ALDH8A1: variants seen among roughly 807,000 people sequenced by gnomAD.
ALDH8A1 encodes the protein aldehyde dehydrogenase 8 family member A1, also known as 2-aminomuconic semialdehyde dehydrogenase.
Under a neutral mutation model 43.3 loss-of-function variants are expected in ALDH8A1, and 39 were observed. That is an observed-to-expected ratio of 0.90 (90% confidence interval 0.70 to 1.18). ALDH8A1 has a LOEUF of 1.18. Ranked by LOEUF, ALDH8A1 falls within the 50% of genes most tolerant of loss-of-function variation. The pLI, the probability that ALDH8A1 is intolerant of heterozygous loss-of-function variation, is 0.00. For synonymous variants in ALDH8A1, 233 were observed against 243.5 expected, an observed-to-expected ratio of 0.96 and a Z score of 0.40; for missense variants, 605 against 622.6, an observed-to-expected ratio of 0.97 and a Z score of 0.30.
chr6:134,920,883 C>T (rs1725772951), intron 6 of ALDH8A1, among the ~76,000 whole-genome samples: 1 of 152,066 alleles, frequency 6.6e-6, no homozygotes, highest in South Asian at 2.1e-4. Flanking sequence ...GAAGAGTAAC[C>T]CGAGAGCCAA....
At chr6:134,942,664 G>T in intron 2 of ALDH8A1, 100 bp from the exon 3 acceptor site, 1 of 1,260,716 alleles carries the variant, frequency 7.9e-7, no homozygotes, top group Non-Finnish European at 1.1e-6. Flanking sequence ...GAAACAGCCT[G>T]GATTCCTTCT....
chr6:134,930,615 C>T (rs1008449551), intron 5 of ALDH8A1, among the ~76,000 whole-genome samples: 14 of 152,166 alleles, frequency 9.2e-5, no homozygotes, highest in Admixed American at 8.5e-4. Context: ...ATAACACATT[C>T]TTTTTGCAAC....
intron 6 of ALDH8A1, among the ~76,000 whole-genome samples, chr6:134,926,161 T>G (rs956602566): frequency 6.6e-6 from 1 of 151,842 alleles, no homozygotes; most frequent in Non-Finnish European, 1.5e-5. Context: ...TAAAAGGTAA[T>G]TTAGCTACAT....
Position 134,918,480 on chromosome 6 carries a change from T to C in ALDH8A1, c.1399A>G (p.Arg467Gly). ...FGGMKSSGIG[R>G]EGAKDSYDFF... is the part of the protein sequence containing the mutation. Reference sequence around the variant, plus strand: ...TCGTAAGAGTCCTTGGCTCCCTCTCTACCTATTCCAGAACTCTTCATCCCC... The same window carrying C: ...TCGTAAGAGTCCTTGGCTCCCTCTCCACCTATTCCAGAACTCTTCATCCCC... The change falls in exon 7 of 7, where the codon AGA becomes GGA. Residue 467 changes from arginine to glycine, a missense_variant. Transcript: ENST00000265605. 1 of 1,614,210 alleles carries C rather than the reference T, an allele frequency of 6.2e-7. No individual in the cohort carries two copies. The highest frequency in any genetic ancestry group is 1.1e-5 in the South Asian group (1 of 91,080).
intron 6 of ALDH8A1, among the ~76,000 whole-genome samples, chr6:134,926,069 T>C (rs1776877547): frequency 6.6e-6 from 1 of 152,116 alleles, no homozygotes; most frequent in Admixed American, 6.5e-5. Flanking sequence ...AGGCATGGAC[T>C]GTGAGTAACA....
intron 6 of ALDH8A1, among the ~76,000 whole-genome samples, chr6:134,926,585 G>A (rs1260213826): frequency 6.7e-6 from 1 of 149,694 alleles, no homozygotes; most frequent in Non-Finnish European, 1.5e-5. Flanking sequence ...AAGGTGGGTG[G>A]ATCACCTGAG....
chr6:134,928,703 C>A (rs1054222353), intron 6 of ALDH8A1, among the ~76,000 whole-genome samples: 2 of 152,218 alleles, frequency 1.3e-5, no homozygotes, highest in Non-Finnish European at 2.9e-5. Context: ...CAGAGGCAGG[C>A]CTTTTCCAAA....
rs114160975 is a variant in ALDH8A1, at chr6:134,940,288, G to A, written c.443-873C>T. On this transcript the variant is annotated intron_variant, in intron 3 of 6. Coordinates refer to ENST00000265605, the MANE Select transcript of ALDH8A1 (RefSeq NM_022568.4). ...TCACTAAACAGTTCCAGAATGTGAC[G>A]CATTTTGAGATTTATAGACTGAGCT... 1,890 of 252,488 alleles carry A rather than the reference G, an allele frequency of 7.5e-3. 38 individuals carry two copies. The highest frequency in any genetic ancestry group is 0.039 in the African/African-American group (1,714 of 44,080). The allele number at this position is 252,488 out of a possible 1,614,324, so 15.6% of individuals were successfully genotyped here. A position where few individuals can be genotyped will look rare whatever the true frequency, so the allele number is the denominator to read the frequency against.
rs1347891433 is a variant in ALDH8A1, at chr6:134,918,547, C to T, written c.1332G>A (p.Trp444Ter). 3 of 1,614,200 alleles carry T rather than the reference C, an allele frequency of 1.9e-6. No homozygotes were observed. The highest frequency in any genetic ancestry group is 3.3e-5 in the Admixed American group (2 of 60,026). The change falls in exon 7 of 7, where the codon TGG becomes TGA. Residue 444 changes from tryptophan (W) to a stop codon, truncating the protein, a stop_gained. Transcript: ENST00000265605. LOFTEE classifies it high-confidence loss of function. The part of the protein sequence containing the change: ...VAKKLQSGLV[W>*]TNCWLIRELN... ...GCTCCCTGATGAGCCAGCAGTTGGT[C>T]CAGACCAAGCCAGACTGCAGCTTCT...
intron 4 of ALDH8A1, among the ~76,000 whole-genome samples, chr6:134,934,185 C>T (rs533972249): frequency 1.3e-5 from 2 of 152,312 alleles, no homozygotes; most frequent in East Asian, 1.9e-4. Context: ...TGACTGAATG[C>T]AGCCTCTCTT....
intron 3 of ALDH8A1, among the ~76,000 whole-genome samples, chr6:134,940,001 C>T (rs914850575): frequency 6.6e-6 from 1 of 152,192 alleles, no homozygotes; most frequent in Non-Finnish European, 1.5e-5. Context: ...CATGTTCTCA[C>T]TTATAAGTGG....
intron 6 of ALDH8A1, among the ~76,000 whole-genome samples, chr6:134,921,781 ACT>A (rs1248281771): frequency 6.6e-6 from 1 of 152,216 alleles, no homozygotes; most frequent in African/African-American, 2.4e-5. Context: ...CTTCCTGGGC[ACT>A]CAGCCCCAAA....
intron 2 of ALDH8A1, among the ~76,000 whole-genome samples, chr6:134,943,043 C>T (rs896277976): frequency 3.3e-5 from 5 of 152,210 alleles, no homozygotes; most frequent in Non-Finnish European, 7.3e-5. Context: ...TGCCCTGGCA[C>T]GGGATGCTGT....
At chr6:134,924,747 G>A (rs1776857788) in intron 6 of ALDH8A1, among the ~76,000 whole-genome samples, 1 of 151,994 alleles carries the variant, frequency 6.6e-6, no homozygotes, top group Non-Finnish European at 1.5e-5. Context: ...AGACAACAAT[G>A]TTCAGGGTAA....
intron 1 of ALDH8A1, among the ~76,000 whole-genome samples, chr6:134,947,615 T>C (rs1286925894): frequency 2.6e-5 from 4 of 151,850 alleles, no homozygotes; most frequent in Non-Finnish European, 5.9e-5. Context: ...AAAAAGAAGA[T>C]GTACAAATGG....
chr6:134,919,546 G>A (rs1451571968), intron 6 of ALDH8A1, among the ~76,000 whole-genome samples: 1 of 152,076 alleles, frequency 6.6e-6, no homozygotes, highest in Admixed American at 6.5e-5. Context: ...AATGACAGAT[G>A]TATATTAACA....
At chr6:134,927,137 T>A (rs1053109581) in intron 6 of ALDH8A1, among the ~76,000 whole-genome samples, 7 of 152,094 alleles carry the variant, frequency 4.6e-5, no homozygotes, top group African/African-American at 1.7e-4. Flanking sequence ...CCTGGAGTAG[T>A]TTTAAAGGTG....
rs1776745153 is a variant in ALDH8A1, at chr6:134,918,541, G to A, written c.1338C>T (p.Asn446=). 3 of 1,614,114 alleles carry A rather than the reference G, an allele frequency of 1.9e-6. No individual in the cohort carries two copies. The highest frequency in any genetic ancestry group is 1.1e-5 in the South Asian group (1 of 91,088). ...KKLQSGLVWT[N]CWLIRELNLP... ...GGTTCAGCTCCCTGATGAGCCAGCA[G>A]TTGGTCCAGACCAAGCCAGACTGCA... Residue 446 remains asparagine (N), a synonymous_variant, in exon 7 of 7, where the codon AAC becomes AAT. Coordinates refer to ENST00000265605, the MANE Select transcript of ALDH8A1 (RefSeq NM_022568.4).
chr6:134,918,614 G>A lies in ALDH8A1; in HGVS notation c.1265C>T (p.Thr422Ile), dbSNP rs752216614. 37 of 1,614,182 alleles carry A rather than the reference G, an allele frequency of 2.3e-5. No individual in the cohort carries two copies. The South Asian group carries it at 4.0e-4, about 17-fold the overall frequency. ...GCGCCCCACATTGCTGGACCACACG[G>A]TAGCCGCCAGCCCATACTTAACGTT... ...ANNVKYGLAA[T>I]VWSSNVGRVH... The change falls in exon 7 of 7, where the codon ACC becomes ATC. Residue 422 changes from threonine to isoleucine, a missense_variant. By Grantham distance (89) the Thr-to-Ile change is moderately conservative. Transcript: ENST00000265605.
Sources: allele counts gnomAD v4.1 joint callset (sites outside exome capture counted in the v4.1 genomes callset), GRCh38; gene constraint gnomAD v4.1.1; transcripts MANE v1.5; gene names NCBI Gene and HGNC (gene_info 2026-07-23, HGNC 2026-07-21).